Variants in FSHR observed in about 807,000 individuals in gnomAD.
The protein encoded by FSHR is follicle-stimulating hormone receptor.
In FSHR, 46 loss-of-function variants were observed where a neutral mutation model predicts 52.1. The ratio of observed to expected loss-of-function variants is 0.88; its 90% confidence interval spans 0.70 to 1.13. The LOEUF is 1.13. Among genes scored for constraint, FSHR ranks in the 50% most tolerant of loss-of-function variants. The probability of loss-of-function intolerance (pLI) is 0.00; values close to 1 mark genes in which losing one functional copy is unlikely to be tolerated. For synonymous variants in FSHR, 399 were observed against 309.6 expected, an observed-to-expected ratio of 1.29 and a Z score of -3.03; for missense variants, 964 against 834.6, an observed-to-expected ratio of 1.16 and a Z score of -1.91.
At chr2:48,983,926 G>C (rs1156945122) in intron 6 of FSHR, among the ~76,000 whole-genome samples, 1 of 152,108 alleles carries the variant, frequency 6.6e-6, no homozygotes, top group Non-Finnish European at 1.5e-5. Flanking sequence ...AGGACACCTT[G>C]GGCTACAGCT....
intron 2 of FSHR, among the ~76,000 whole-genome samples, chr2:49,050,363 T>A (rs1668809449): frequency 6.6e-6 from 1 of 152,192 alleles, no homozygotes; most frequent in Admixed American, 6.6e-5. Flanking sequence ...AGAGGTTTCC[T>A]TCACTCTGTG....
At chr2:48,994,651 G>A (rs879606575) in intron 4 of FSHR, among the ~76,000 whole-genome samples, 3 of 152,068 alleles carry the variant, frequency 2.0e-5, no homozygotes, top group Non-Finnish European at 4.4e-5. Flanking sequence ...CTGGAAGTGG[G>A]TAATCAGCTA....
chr2:49,028,586 C>T (rs1271903777), intron 2 of FSHR, among the ~76,000 whole-genome samples: 1 of 152,224 alleles, frequency 6.6e-6, no homozygotes, highest in Non-Finnish European at 1.5e-5. Flanking sequence ...TTTCCCTCCT[C>T]TTATTCCTGG....
At chr2:49,089,389 C>A (rs1251775888) in intron 1 of FSHR, among the ~76,000 whole-genome samples, 1 of 152,110 alleles carries the variant, frequency 6.6e-6, no homozygotes, top group East Asian at 1.9e-4. Flanking sequence ...ATACATTCTG[C>A]TTCTTTAGAT....
At chr2:49,062,516 T>C (rs959934316) in intron 2 of FSHR, among the ~76,000 whole-genome samples, 2 of 152,076 alleles carry the variant, frequency 1.3e-5, no homozygotes, top group African/African-American at 4.8e-5. Flanking sequence ...TGAAGATTTT[T>C]ATGGAGAAGA....
At chr2:49,122,988 C>T (rs1200723637) in intron 1 of FSHR, among the ~76,000 whole-genome samples, 1 of 152,152 alleles carries the variant, frequency 6.6e-6, no homozygotes, top group Non-Finnish European at 1.5e-5. Context: ...TGTTCCTCTT[C>T]CCTTGCTTTC....
At chr2:49,004,238 G>A (rs1028613893) in intron 4 of FSHR, among the ~76,000 whole-genome samples, 4 of 152,178 alleles carry the variant, frequency 2.6e-5, no homozygotes, top group African/African-American at 9.6e-5. Context: ...TCATTTGTCA[G>A]GGACTGGGGT....
chr2:48,990,209 T>G (rs779711116), intron 5 of FSHR, among the ~76,000 whole-genome samples: 1 of 152,040 alleles, frequency 6.6e-6, no homozygotes, highest in Non-Finnish European at 1.5e-5. Flanking sequence ...CAGGGCAGCA[T>G]AGCAATTCTA....
At chr2:49,086,649 T>C (rs1013975855) in intron 1 of FSHR, among the ~76,000 whole-genome samples, 1 of 152,176 alleles carries the variant, frequency 6.6e-6, no homozygotes, top group African/African-American at 2.4e-5. Flanking sequence ...ATTTTTTAAT[T>C]TGTGTTTTTG....
intron 2 of FSHR, among the ~76,000 whole-genome samples, chr2:49,059,870 C>G (rs200513074): frequency 6.6e-6 from 1 of 151,882 alleles, no homozygotes; most frequent in East Asian, 1.9e-4. Flanking sequence ...GGGATTATAT[C>G]AAACCAAAAA....
rs1039228210 is a variant in FSHR, at chr2:48,997,458, T to A, written c.375-6821A>T. On this transcript the variant is annotated intron_variant, in intron 4 of 9. Coordinates refer to ENST00000406846, the MANE Select transcript of FSHR (RefSeq NM_000145.4). ...TCTGTTCGGACCTAGCATCCTAGAT[T>A]TGCAATCAGCCTCTGTTTTTGAGCA... 4 of 893,604 alleles carry A rather than the reference T, an allele frequency of 4.5e-6. No individual in the cohort carries two copies. The African/African-American group carries it at 7.2e-5, about 16-fold the overall frequency. 55.4% of individuals were successfully genotyped at this position (893,604 alleles called of 1,614,324 possible).
At chr2:49,021,871 A>ATATATATGTATG (rs1667723152) in intron 2 of FSHR, among the ~76,000 whole-genome samples, 2 of 54,476 alleles carry the variant, frequency 3.7e-5, no homozygotes, top group African/African-American at 1.6e-4. Flanking sequence ...CTCTATATAT[A>ATATATATGTATG]TATATATATA....
chr2:49,122,755 C>T (rs980437613), intron 1 of FSHR, among the ~76,000 whole-genome samples: 8 of 152,156 alleles, frequency 5.3e-5, no homozygotes, highest in Non-Finnish European at 8.8e-5. Context: ...TTTAAAGTCC[C>T]TCCTGGTGAA....
chr2:48,992,230 T>C (rs189868660), intron 4 of FSHR, among the ~76,000 whole-genome samples: 1 of 152,314 alleles, frequency 6.6e-6, no homozygotes, highest in East Asian at 1.9e-4. Context: ...TAGAGGTCTA[T>C]GGGCTAAGAC....
chr2:48,999,715 G>T (rs1676173359), intron 4 of FSHR, among the ~76,000 whole-genome samples: 1 of 152,212 alleles, frequency 6.6e-6, no homozygotes, highest in South Asian at 2.1e-4. Flanking sequence ...AGGGAATGCT[G>T]GGTTAATAAG....
At position 49,064,710 on chromosome 2, in the gene FSHR, T is replaced by G. The variant is rs553051060; in HGVS notation, c.224+3509A>C. ...GAGGTAAAAACAACAGGACTTGGTG[T>G]TGTACTTCAGTACGACGTTTCTACA... On this transcript the variant is annotated intron_variant, in intron 2 of 9. Coordinates refer to ENST00000406846, the MANE Select transcript of FSHR (RefSeq NM_000145.4). Among the ~76,000 whole-genome samples, 14 of 152,258 alleles carry G rather than the reference T, an allele frequency of 9.2e-5. 1 individual carries two copies. Among genetic ancestry groups the G allele is most frequent in the African/African-American group, 3.1e-4 (13 of 41,544 alleles).
At position 49,031,996 on chromosome 2, in the gene FSHR, C is replaced by T. The variant is rs933287177; in HGVS notation, c.225-11836G>A. ...TATGCATAGCTTGTATCTGTGCACC[C>T]AGCAGGTACTCCATAAATGTGTGTT... On this transcript the variant is annotated intron_variant, in intron 2 of 9. Transcript: ENST00000406846. Among the ~76,000 whole-genome samples the T allele has an allele frequency of 6.6e-5, 10 of 152,260 alleles. No individual in the cohort carries two copies. The East Asian group carries it at 1.9e-3, about 29-fold the overall frequency.
At chr2:49,037,766 G>C (rs994986895) in intron 2 of FSHR, among the ~76,000 whole-genome samples, 3 of 152,112 alleles carry the variant, frequency 2.0e-5, no homozygotes, top group African/African-American at 7.2e-5. Flanking sequence ...TGTTAAATTG[G>C]AAAGACAAGT....
intron 3 of FSHR, among the ~76,000 whole-genome samples, chr2:49,019,521 G>A (rs1033123166): frequency 6.6e-6 from 1 of 152,178 alleles, no homozygotes; most frequent in South Asian, 2.1e-4. Flanking sequence ...AGTAGTAGAG[G>A]AACCAAGGAT....
Sources: gnomAD v4.1 joint callset for allele counts (sites outside exome capture counted in the v4.1 genomes callset) on GRCh38, gnomAD v4.1.1 for gene constraint, MANE v1.5 for transcripts, NCBI Gene and HGNC (gene_info 2026-07-23, HGNC 2026-07-21) for gene names.